The following CAB39 variants were observed in gnomAD, a reference collection of about 807,000 sequenced individuals.
CAB39 encodes the protein calcium binding protein 39, also known as calcium-binding protein 39.
Under a neutral mutation model 40.0 loss-of-function variants are expected in CAB39, and 8 were observed. The ratio of observed to expected loss-of-function variants is 0.20; its 90% CI spans 0.12 to 0.36. The LOEUF is 0.36. Ranked by LOEUF, CAB39 falls within the 10% of genes least tolerant of loss-of-function variation. The probability of loss-of-function intolerance (pLI) is 1.00; values close to 1 mark genes in which losing one functional copy is unlikely to be tolerated. For missense variants in CAB39, 270 were observed against 401.1 expected, an observed-to-expected ratio of 0.67 and a Z score of 2.79; for synonymous variants, 156 against 141.6, an observed-to-expected ratio of 1.10 and a Z score of -0.72.
intron 1 of CAB39, among the ~76,000 whole-genome samples, chr2:230,754,418 T>TGTCCCTCC: frequency 7.8e-6 from 1 of 128,208 alleles, no homozygotes; most frequent in African/African-American, 3.0e-5. Context: ...CTTCTTCCCC[T>TGTCCCTCC]TTCCCTCCTT....
intron 1 of CAB39, among the ~76,000 whole-genome samples, chr2:230,749,680 C>A (rs1037362396): frequency 1.3e-5 from 2 of 152,122 alleles, no homozygotes; most frequent in Non-Finnish European, 2.9e-5. Flanking sequence ...TTTTAAATGA[C>A]TTCTGAATGT....
intron 2 of CAB39, among the ~76,000 whole-genome samples, chr2:230,783,453 G>GTT (rs898899523): frequency 5.1e-5 from 7 of 136,396 alleles, no homozygotes; most frequent in African/African-American, 1.5e-4. Context: ...GTTTTGTTTT[G>GTT]TTTTGTTTTG....
rs759314442 is a variant in CAB39 at position 230,748,813 on chromosome 2, G to GAAAAAAA, written c.-43-11133_-43-11127dup. Among the ~76,000 whole-genome samples the GAAAAAAA allele has an allele frequency of 5.7e-4, 18 of 31,770 alleles. 1 individual carries two copies. The highest frequency in any genetic ancestry group is 1.3e-3 in the African/African-American group (12 of 9,258). The allele number at this position is 31,770 out of a possible 152,430, so 20.8% of individuals were successfully genotyped here. A position where few individuals can be genotyped will look rare whatever the true frequency, so the allele number is the denominator to read the frequency against. On this transcript the variant is annotated intron_variant, in intron 1 of 8. Coordinates refer to ENST00000258418, the MANE Select transcript of CAB39 (RefSeq NM_016289.4). Reference sequence around the variant, plus strand: ...TAGAGTGAGATTCTATTTCCAAAAAGAAAAAAAAAAAAAAAAAAATATATA... The same window carrying GAAAAAAA: ...TAGAGTGAGATTCTATTTCCAAAAAGAAAAAAAAAAAAAAAAAAAAAAAAAATATATA...
intron 2 of CAB39, 65 bp from the exon 3 acceptor site, chr2:230,790,807 G>C (rs1024602725): frequency 2.9e-6 from 4 of 1,359,656 alleles, no homozygotes; most frequent in African/African-American, 1.5e-5. Context: ...AAATTTTGAC[G>C]TGTTATATGT....
chr2:230,770,276 G>C (rs562583619), intron 2 of CAB39, among the ~76,000 whole-genome samples: 1 of 152,222 alleles, frequency 6.6e-6, no homozygotes, highest in East Asian at 1.9e-4. Context: ...ATTATCTGGA[G>C]TGAGAGATTC....
rs540280251 is a variant in CAB39 at position 230,723,692 on chromosome 2, T to G, written c.-44+10462T>G. On this transcript the variant is annotated intron_variant, in intron 1 of 8. Coordinates refer to ENST00000258418, the MANE Select transcript of CAB39 (RefSeq NM_016289.4). ...CCAATGGAAGCCCTGGGCAGAAGAT[T>G]AGAGAGGGTAGGAGGAGAAAGAACT... 6.6e-5 allele frequency among the ~76,000 whole-genome samples: 10 copies of G among 152,278 alleles called. No homozygotes were observed. In the South Asian group the frequency reaches 2.1e-3, roughly 32 times the overall value.
At chr2:230,806,992 T>C (rs145950534) in intron 5 of CAB39, among the ~76,000 whole-genome samples, 95 of 152,298 alleles carry the variant, frequency 6.2e-4, no homozygotes, top group Middle Eastern at 3.4e-3. Flanking sequence ...AGTTGGCTGC[T>C]TAGTCTGCTG....
chr2:230,785,063 G>A (rs574998945), intron 2 of CAB39, among the ~76,000 whole-genome samples: 2 of 152,332 alleles, frequency 1.3e-5, no homozygotes, highest in East Asian at 1.9e-4. Flanking sequence ...GGGCTCCGGT[G>A]TGCCTAATTC....
intron 5 of CAB39, among the ~76,000 whole-genome samples, chr2:230,807,069 T>C (rs1696208759): frequency 6.6e-6 from 1 of 152,190 alleles, no homozygotes; most frequent in South Asian, 2.1e-4. Flanking sequence ...GGAATTCAGA[T>C]AGATGGAAGA....
chr2:230,744,440 C>A (rs750304310), intron 1 of CAB39, among the ~76,000 whole-genome samples: 1 of 152,124 alleles, frequency 6.6e-6, no homozygotes, highest in Admixed American at 6.6e-5. Context: ...AATACAAGCA[C>A]GTGACACCAT....
intron 1 of CAB39, among the ~76,000 whole-genome samples, chr2:230,742,454 C>T (rs1226526628): frequency 6.6e-6 from 1 of 151,568 alleles, no homozygotes; most frequent in Non-Finnish European, 1.5e-5. Flanking sequence ...GGATTACAGG[C>T]GTGAGCCCCC....
At chr2:230,782,342 T>C (rs1285142458) in intron 2 of CAB39, among the ~76,000 whole-genome samples, 2 of 152,150 alleles carry the variant, frequency 1.3e-5, no homozygotes, top group Non-Finnish European at 2.9e-5. Context: ...TTTGGTTATT[T>C]GTTAGAAATC....
intron 2 of CAB39, among the ~76,000 whole-genome samples, chr2:230,767,048 T>C (rs990303664): frequency 4.6e-5 from 7 of 152,220 alleles, no homozygotes; most frequent in African/African-American, 1.7e-4. Flanking sequence ...ACCTGGCCTA[T>C]GTTATTAGAA....
At chr2:230,737,097 C>T in intron 1 of CAB39, among the ~76,000 whole-genome samples, 1 of 152,318 alleles carries the variant, frequency 6.6e-6, no homozygotes, top group East Asian at 1.9e-4. Context: ...TCCTCAGAAA[C>T]TAGTTCTGCA....
At chr2:230,789,924 G>A (rs374418096) in intron 2 of CAB39, among the ~76,000 whole-genome samples, 1 of 152,160 alleles carries the variant, frequency 6.6e-6, no homozygotes, top group Non-Finnish European at 1.5e-5. Context: ...TGTACTGCCT[G>A]AAGTCCACTG....
At chr2:230,720,034 A>T (rs543223280) in intron 1 of CAB39, among the ~76,000 whole-genome samples, 132 of 152,340 alleles carry the variant, frequency 8.7e-4, no homozygotes, top group Non-Finnish European at 1.5e-3. Context: ...GCTTATGAAT[A>T]AATAGTTAAG....
intron 1 of CAB39, chr2:230,752,033 C>T (rs1307938205): frequency 6.4e-5 from 5 of 78,084 alleles, no homozygotes; most frequent in African/African-American, 2.2e-4. Context: ...CTGACCACCC[C>T]CCCCCCCCCC....
At chr2:230,773,895 T>A (rs1349145881) in intron 2 of CAB39, among the ~76,000 whole-genome samples, 1 of 152,156 alleles carries the variant, frequency 6.6e-6, no homozygotes, top group African/African-American at 2.4e-5. Flanking sequence ...GCAAGTTTTC[T>A]GTTTCTGAAG....
At position 230,748,830 on chromosome 2, in the gene CAB39, AAATATATATATATAT is replaced by A. The variant is rs1234618870; in HGVS notation, c.-43-11127_-43-11113del. Among the ~76,000 whole-genome samples the A allele has an allele frequency of 1.1e-3, 58 of 50,654 alleles. 3 individuals carry two copies. The highest frequency in any genetic ancestry group is 1.2e-3 in the Non-Finnish European group (35 of 29,936). 33.2% of individuals were successfully genotyped at this position (50,654 alleles called of 152,430 possible). A position where few individuals can be genotyped will look rare whatever the true frequency, so the allele number is the denominator to read the frequency against. On this transcript the variant is annotated intron_variant, in intron 1 of 8. Transcript: ENST00000258418. The stretch of plus-strand genomic sequence containing the variant: ...TCCAAAAAGAAAAAAAAAAAAAAAA[AAATATATATATATAT>A]ATATATATATATATATATATATAAC...
Sources: gnomAD v4.1 joint callset for allele counts (sites outside exome capture counted in the v4.1 genomes callset) on GRCh38, gnomAD v4.1.1 for gene constraint, MANE v1.5 for transcripts, NCBI Gene and HGNC (gene_info 2026-07-23, HGNC 2026-07-21) for gene names.